ZNF57: variants seen among roughly 807,000 people sequenced by gnomAD.
ZNF57 encodes the protein zinc finger protein 57, also known as zinc finger protein 424.
Under a neutral mutation model 13.4 loss-of-function variants are expected in ZNF57, and 11 were observed. That is an observed-to-expected ratio of 0.82 (90% CI 0.52 to 1.36). ZNF57 has a LOEUF of 1.36. ZNF57 is among the 40% of genes most tolerant of loss of function. The pLI is 0.00. For synonymous variants in ZNF57, 224 were observed against 238.5 expected (o/e 0.94, Z 0.56); for missense variants, 696 against 667.5 (o/e 1.04, Z -0.47).
At chr19:2,906,258 T>C (rs1241855089) in intron 1 of ZNF57, among the ~76,000 whole-genome samples, 1 of 152,200 alleles carries the variant, frequency 6.6e-6, no homozygotes, top group African/African-American at 2.4e-5. Flanking sequence ...CTTGCTGTGT[T>C]GCCCAGGCTG....
rs1275017490 is a variant in ZNF57, at chr19:2,917,933, C to T, written c.1312C>T (p.His438Tyr). 2 of 1,613,574 alleles carry T rather than the reference C, an allele frequency of 1.2e-6. No individual in the cohort carries two copies. The highest frequency in any genetic ancestry group is 2.7e-5 in the African/African-American group (2 of 74,852). ...TFTWSSTFRE[H>Y]VRIHTQEQLH... The stretch of plus-strand genomic sequence containing the variant: ...CACTTGGTCCTCAACGTTTAGAGAA[C>T]ATGTGAGAATTCACACGCAAGAGCA... The change falls in exon 4 of 4, where the codon CAT (histidine) becomes TAT (tyrosine). Residue 438 changes from histidine (H) to tyrosine (Y), a missense_variant. His to Tyr is a moderately conservative substitution (Grantham distance 83, BLOSUM62 2). Transcript: ENST00000306908.
Position 2,917,053 on chromosome 19 carries a change from G to GA in ZNF57, c.432_433insA (p.Cys145MetfsTer12). 1 of 1,614,202 alleles carries GA rather than the reference G, an allele frequency of 6.2e-7. No individual in the cohort carries two copies. The highest frequency in any genetic ancestry group is 8.5e-7 in the Non-Finnish European group (1 of 1,180,046). On this transcript the variant is annotated frameshift_variant, in exon 4 of 4. Coordinates refer to ENST00000306908, the MANE Select transcript of ZNF57 (RefSeq NM_173480.3). LOFTEE classifies it low-confidence loss of function (END_TRUNC). ...GAGAAAAACCATATGAATGCACCAA[G>GA]TGCAGGACAGTCTTCACGCATCTTT...
Position 2,917,054 on chromosome 19 carries a change from T to G in ZNF57, c.433T>G (p.Cys145Gly). The change falls in exon 4 of 4, where the codon TGC becomes GGC. Residue 145 changes from cysteine (C) to glycine (G), a missense_variant. By Grantham distance (159) the Cys-to-Gly change is radical. Coordinates refer to ENST00000306908, the MANE Select transcript of ZNF57 (RefSeq NM_173480.3). ...AGAAAAACCATATGAATGCACCAAG[T>G]GCAGGACAGTCTTCACGCATCTTTC... is the stretch of plus-strand genomic sequence containing the variant. ...AGEKPYECTKCRTVFTHLSSL... is the reference protein window; with the variant it reads ...AGEKPYECTKGRTVFTHLSSL... 1 of 1,614,188 alleles carries G rather than the reference T, an allele frequency of 6.2e-7. No individual in the cohort carries two copies. The highest frequency in any genetic ancestry group is 8.5e-7 in the Non-Finnish European group (1 of 1,180,030).
chr19:2,911,285 C>T (rs930408754), intron 1 of ZNF57, among the ~76,000 whole-genome samples: 2 of 151,996 alleles, frequency 1.3e-5, no homozygotes, highest in Non-Finnish European at 2.9e-5. Context: ...AATCCCAGCA[C>T]TCTGGGAGGC....
At chr19:2,905,626 G>A (rs1395306725) in intron 1 of ZNF57, among the ~76,000 whole-genome samples, 2 of 151,684 alleles carry the variant, frequency 1.3e-5, no homozygotes, top group East Asian at 3.9e-4. Flanking sequence ...TTAGCCGGGT[G>A]TGGTGGTGGG....
intron 1 of ZNF57, among the ~76,000 whole-genome samples, chr19:2,901,531 T>C (rs1041036877): frequency 2.6e-5 from 4 of 151,094 alleles, no homozygotes; most frequent in Non-Finnish European, 5.9e-5. Context: ...TTTTATTTTT[T>C]TTATTTTTGG....
rs1483688484 is a variant in ZNF57, at chr19:2,909,562, G to T, written c.4-5960G>T. On this transcript the variant is annotated intron_variant, in intron 1 of 3. Transcript: ENST00000306908. ...GCTAGGATTACAGGCATGAGCCTCT[G>T]TGCCTGGCCGGTATCTTGTTTTAAT... 6.3e-5 allele frequency among the ~76,000 whole-genome samples: 3 copies of T among 47,502 alleles called. 1 individual carries two copies. The highest frequency in any genetic ancestry group is 2.1e-4 in the Non-Finnish European group (3 of 14,610). The allele number at this position is 47,502 out of a possible 152,430, so 31.2% of individuals were successfully genotyped here.
intron 1 of ZNF57, among the ~76,000 whole-genome samples, chr19:2,907,493 A>T (rs1010198691): frequency 2.6e-5 from 4 of 152,100 alleles, no homozygotes; most frequent in African/African-American, 9.7e-5. Context: ...TTTTTCCCCC[A>T]TCCTACACTT....
At position 2,918,165 on chromosome 19, in the gene ZNF57, G is replaced by A; in HGVS notation, c.1544G>A (p.Trp515Ter). Residue 515 changes from tryptophan to a stop codon, truncating the protein, a stop_gained, in exon 4 of 4, where the codon TGG becomes TAG. Coordinates refer to ENST00000306908, the MANE Select transcript of ZNF57 (RefSeq NM_173480.3). LOFTEE classifies it low-confidence loss of function (END_TRUNC). ...KCKQCGMSFKWHSSFRNHLRM... is the reference protein window; with the variant it reads ...KCKQCGMSFK ...AAACAATGTGGGATGTCCTTCAAGT[G>A]GCACTCCTCCTTCCGGAACCATCTG... 2 of 1,614,156 alleles carry A rather than the reference G, an allele frequency of 1.2e-6. No individual in the cohort carries two copies. The highest frequency in any genetic ancestry group is 1.7e-6 in the Non-Finnish European group (2 of 1,180,040).
intron 1 of ZNF57, 122 bp from the exon 2 acceptor site, chr19:2,915,400 T>C (rs2088181515): frequency 7.6e-7 from 1 of 1,308,182 alleles, no homozygotes; most frequent in Non-Finnish European, 1.1e-6. Context: ...AGATCTAACA[T>C]TCGCGTCATA....
chr19:2,901,191 C>T (rs2088026431), intron 1 of ZNF57, 143 bp downstream of exon 1: 1 of 1,186,624 alleles, frequency 8.4e-7, no homozygotes, highest in Non-Finnish European at 1.1e-6. Context: ...CCCGGGGACG[C>T]CATCACAGCG....
chr19:2,902,301 G>T (rs1045073624), intron 1 of ZNF57, among the ~76,000 whole-genome samples: 18 of 152,088 alleles, frequency 1.2e-4, no homozygotes, highest in Non-Finnish European at 2.1e-4. Flanking sequence ...TCGGGCAGCC[G>T]GTGTCAGTAA....
At chr19:2,913,621 C>T (rs2088160434) in intron 1 of ZNF57, among the ~76,000 whole-genome samples, 1 of 151,790 alleles carries the variant, frequency 6.6e-6, no homozygotes. Context: ...TTTCAGATTT[C>T]ATTTCTCATT....
At position 2,917,247 on chromosome 19, in the gene ZNF57, G is replaced by C. The variant is rs779260695; in HGVS notation, c.626G>C (p.Arg209Pro). Residue 209 changes from arginine to proline, a missense_variant, in exon 4 of 4, where the codon CGT becomes CCT. Physicochemically the swap from Arg to Pro is moderately radical, Grantham distance 103. Transcript: ENST00000306908. ...QACGQTFQHPRYLSHHVKTHT... is the reference protein window; with the variant it reads ...QACGQTFQHPPYLSHHVKTHT... ...TGTGGGCAAACTTTCCAACATCCTC[G>C]TTACCTCTCCCACCACGTAAAGACT... 12 of 1,614,012 alleles carry C rather than the reference G, an allele frequency of 7.4e-6. No individual in the cohort carries two copies. Among genetic ancestry groups the C allele is most frequent in the African/African-American group, 1.3e-5 (1 of 74,890 alleles).
In ZNF57 at chr19:2,918,361, A is replaced by G; in HGVS notation, c.*72A>G. 1 of 1,463,650 alleles carries G rather than the reference A, an allele frequency of 6.8e-7. No individual in the cohort carries two copies. The allele number at this position is 1,463,650 out of a possible 1,614,324, so 90.7% of individuals were successfully genotyped here. On this transcript the variant is annotated 3_prime_UTR_variant, in exon 4 of 4. Coordinates refer to ENST00000306908, the MANE Select transcript of ZNF57 (RefSeq NM_173480.3). ...TATAATGCTCCAGAAAATTCACACC[A>G]GGAGAGAAATCTTACAAGTATGATA...
intron 1 of ZNF57, 94 bp downstream of exon 1, chr19:2,901,142 T>TG: frequency 7.0e-7 from 1 of 1,425,666 alleles, no homozygotes; most frequent in Non-Finnish European, 9.3e-7. Flanking sequence ...CGGGATTGGC[T>TG]GAGGGACGCG....
At chr19:2,908,876 T>G (rs1357430267) in intron 1 of ZNF57, among the ~76,000 whole-genome samples, 2 of 150,396 alleles carry the variant, frequency 1.3e-5, no homozygotes, top group Non-Finnish European at 2.9e-5. Flanking sequence ...GAGATTTGGC[T>G]GTTCTTGACA....
intron 1 of ZNF57, among the ~76,000 whole-genome samples, chr19:2,912,514 G>T (rs891474671): frequency 6.6e-6 from 1 of 152,168 alleles, no homozygotes; most frequent in Non-Finnish European, 1.5e-5. Context: ...ATGGTTGCGT[G>T]TTCTGGTAAG....
rs140126572 is a variant in ZNF57 at position 2,905,405 on chromosome 19, T to TCCCCC, written c.3+4358_3+4359insCCCCC. 3.2e-4 allele frequency among the ~76,000 whole-genome samples: 15 copies of TCCCCC among 47,506 alleles called. 6 individuals are homozygous for TCCCCC. The highest frequency in any genetic ancestry group is 5.2e-4 in the Non-Finnish European group (13 of 24,840). The allele number at this position is 47,506 out of a possible 152,430, so 31.2% of individuals were successfully genotyped here. ...GTCTCGAACTCTTGACTTCAGGTGA[T>TCCCCC]CGCCCCCCCCCCCTCGGCATTCCAA... On this transcript the variant is annotated intron_variant, in intron 1 of 3. Transcript: ENST00000306908.
Sources: allele counts gnomAD v4.1 joint callset (sites outside exome capture counted in the v4.1 genomes callset), GRCh38; gene constraint gnomAD v4.1.1; transcripts MANE v1.5; gene names NCBI Gene and HGNC (gene_info 2026-07-23, HGNC 2026-07-21).